The following PTPRO variants were observed in gnomAD, a reference collection of about 807,000 sequenced individuals.
The protein encoded by PTPRO is protein tyrosine phosphatase receptor type O.
Under a neutral mutation model 145.2 loss-of-function variants are expected in PTPRO, and 62 were observed. That is an observed-to-expected ratio of 0.43 (90% CI 0.35 to 0.53). The LOEUF is 0.53. PTPRO is among the 20% of genes least tolerant of loss of function. The pLI is 0.01. For missense variants in PTPRO, 1,345 were observed against 1,482.7 expected (o/e 0.91, Z 1.53); for synonymous variants, 565 against 514.7 (o/e 1.10, Z -1.32).
chr12:15,537,659 T>C (rs1297132577), intron 12 of PTPRO, among the ~76,000 whole-genome samples: 1 of 152,216 alleles, frequency 6.6e-6, no homozygotes, highest in Non-Finnish European at 1.5e-5. Flanking sequence ...CAAGAATTTT[T>C]GGTAGTTTTT....
intron 1 of PTPRO, among the ~76,000 whole-genome samples, chr12:15,350,945 TAGA>T (rs920380771): frequency 6.6e-6 from 1 of 152,250 alleles, no homozygotes; most frequent in African/African-American, 2.4e-5. Flanking sequence ...CATGTGCTTT[TAGA>T]AGAAGAGTTC....
intron 19 of PTPRO, among the ~76,000 whole-genome samples, chr12:15,578,245 G>A (rs535116509): frequency 6.3e-4 from 96 of 152,128 alleles, no homozygotes; most frequent in Non-Finnish European, 1.1e-3. Context: ...TTTCTTCAGA[G>A]AATAGGAAAT....
intron 24 of PTPRO, chr12:15,587,323 C>A (rs547943717): frequency 4.5e-6 from 2 of 446,276 alleles, no homozygotes; most frequent in East Asian, 9.3e-5. Flanking sequence ...CAAGTTCATG[C>A]AACTAGAACA....
At chr12:15,433,881 T>C (rs1416759146) in intron 1 of PTPRO, among the ~76,000 whole-genome samples, 1 of 152,190 alleles carries the variant, frequency 6.6e-6, no homozygotes, top group Admixed American at 6.5e-5. Context: ...AGTTTTTTTC[T>C]AGTTCTGTGA....
chr12:15,431,136 T>C (rs1347025727), intron 1 of PTPRO, among the ~76,000 whole-genome samples: 1 of 152,176 alleles, frequency 6.6e-6, no homozygotes, highest in Non-Finnish European at 1.5e-5. Context: ...GAACAATCAG[T>C]TGGTCTTCAA....
intron 1 of PTPRO, among the ~76,000 whole-genome samples, chr12:15,442,247 C>T (rs993705726): frequency 6.6e-6 from 1 of 152,000 alleles, no homozygotes; most frequent in Non-Finnish European, 1.5e-5. Flanking sequence ...AAAACAAAAA[C>T]AATATGATTA....
chr12:15,544,576 T>C (rs1350052641), intron 12 of PTPRO, among the ~76,000 whole-genome samples: 1 of 149,982 alleles, frequency 6.7e-6, no homozygotes, highest in Non-Finnish European at 1.5e-5. Context: ...TCTCTGGGAC[T>C]GAGAAATAAG....
In PTPRO at chr12:15,439,990, C is replaced by A. The variant is rs549715775; in HGVS notation, c.76-43984C>A. The A allele has an allele frequency of 1.5e-3, 994 of 683,812 alleles. 1 individual carries two copies. Among genetic ancestry groups the A allele is most frequent in the Non-Finnish European group, 1.6e-3 (615 of 375,090 alleles). 42.4% of individuals were successfully genotyped at this position (683,812 alleles called of 1,614,324 possible). On this transcript the variant is annotated intron_variant, in intron 1 of 26. Transcript: ENST00000281171. ...CCACTGCCATCTGCGGGGCCATCATCCTGGCCAAGCTCTCCATTGTCCCTG... is the reference window on the plus strand; with the variant it reads ...CCACTGCCATCTGCGGGGCCATCATACTGGCCAAGCTCTCCATTGTCCCTG...
intron 2 of PTPRO, among the ~76,000 whole-genome samples, chr12:15,491,939 GACAAACAAACAA>G (rs72189659): frequency 4.4e-4 from 66 of 151,602 alleles, no homozygotes; most frequent in East Asian, 3.5e-3. Context: ...CTTCCTGTTT[GACAAACAAACAA>G]ACAAACAAAC....
At chr12:15,551,372 G>C (rs1465522755) in intron 14 of PTPRO, among the ~76,000 whole-genome samples, 179 bp from the exon 15 acceptor site, 3 of 152,124 alleles carry the variant, frequency 2.0e-5, no homozygotes, top group Non-Finnish European at 4.4e-5. Context: ...TATCAGTCTA[G>C]TTTGCTAAGT....
At chr12:15,546,206 T>C in intron 12 of PTPRO, 1 of 501,946 alleles carries the variant, frequency 2.0e-6, no homozygotes, top group Non-Finnish European at 2.7e-6. Flanking sequence ...TTTCTCCACC[T>C]TTATTAAGTG....
chr12:15,374,709 G>A (rs1343759988), intron 1 of PTPRO, among the ~76,000 whole-genome samples: 1 of 152,188 alleles, frequency 6.6e-6, no homozygotes, highest in African/African-American at 2.4e-5. Context: ...AATTACAACA[G>A]CAATTGTTTA....
At chr12:15,589,338 T>G in intron 24 of PTPRO, 117 bp from the exon 25 acceptor site, 5 of 1,407,890 alleles carry the variant, frequency 3.6e-6, no homozygotes. Flanking sequence ...ATCATGCCAT[T>G]GCACTCCAGC....
chr12:15,594,847 C>A, intron 25 of PTPRO, 90 bp from the exon 26 acceptor site: 4 of 909,122 alleles, frequency 4.4e-6, no homozygotes, highest in Non-Finnish European at 3.5e-6. Context: ...TCCTTTAACA[C>A]CAGATCTTGA....
At chr12:15,372,793 T>G (rs983838997) in intron 1 of PTPRO, among the ~76,000 whole-genome samples, 1 of 152,134 alleles carries the variant, frequency 6.6e-6, no homozygotes, top group African/African-American at 2.4e-5. Flanking sequence ...TATTATGAAA[T>G]GTGATAATCA....
chr12:15,594,878 T>G (rs1944626123), intron 25 of PTPRO, 59 bp from the exon 26 acceptor site: 1 of 1,206,856 alleles, frequency 8.3e-7, no homozygotes, highest in East Asian at 2.5e-5. Context: ...TGTCATAGTA[T>G]AAAATATTAT....
chr12:15,344,736 T>C (rs144644126), intron 1 of PTPRO, among the ~76,000 whole-genome samples: 31 of 152,296 alleles, frequency 2.0e-4, no homozygotes, highest in African/African-American at 3.8e-4. Flanking sequence ...ATCTGGGAGA[T>C]TGACAAGTTG....
At chr12:15,335,715 C>A (rs922750127) in intron 1 of PTPRO, among the ~76,000 whole-genome samples, 3 of 151,968 alleles carry the variant, frequency 2.0e-5, no homozygotes, top group Admixed American at 6.6e-5. Context: ...GCGAAATTTG[C>A]TAAAACTGAG....
rs543187389 is a variant in PTPRO at position 15,524,055 on chromosome 12, C to T, written c.1892-759C>T. ...AAGCGATCCACCCACCTCAGCTTCC[C>T]GAAATGCAGGGATTACAGGCATTCC... On this transcript the variant is annotated intron_variant, in intron 10 of 26. Transcript: ENST00000281171. Among the ~76,000 whole-genome samples the T allele has an allele frequency of 1.0e-3, 152 of 151,452 alleles. 1 individual carries two copies. Among genetic ancestry groups the T allele is most frequent in the Admixed American group, 2.8e-3 (43 of 15,198 alleles).
Sources: allele counts gnomAD v4.1 joint callset (sites outside exome capture counted in the v4.1 genomes callset), GRCh38; gene constraint gnomAD v4.1.1; transcripts MANE v1.5; gene names NCBI Gene and HGNC (gene_info 2026-07-23, HGNC 2026-07-21).